Variants in PPM1K observed in about 807,000 individuals in gnomAD.
PPM1K encodes the protein protein phosphatase, Mg2+/Mn2+ dependent 1K.
Under a neutral mutation model 32.6 loss-of-function variants are expected in PPM1K, and 19 were observed. That is an observed-to-expected ratio of 0.58 (90% confidence interval 0.41 to 0.86). PPM1K has a LOEUF of 0.86. Ranked by LOEUF, PPM1K falls within the 40% of genes least tolerant of loss-of-function variation. The probability of loss-of-function intolerance (pLI) is 0.00; values close to 1 mark genes in which losing one functional copy is unlikely to be tolerated. For missense variants in PPM1K, 362 were observed against 461.2 expected, an observed-to-expected ratio of 0.78 and a Z score of 1.97; for synonymous variants, 159 against 165.3, an observed-to-expected ratio of 0.96 and a Z score of 0.29.
intron 3 of PPM1K, among the ~76,000 whole-genome samples, chr4:88,273,964 C>G (rs1215813758): frequency 6.6e-6 from 1 of 152,216 alleles, no homozygotes; most frequent in Non-Finnish European, 1.5e-5. Flanking sequence ...ACTGCCTCCT[C>G]AAGTTCATCC....
chr4:88,263,942 T>G (rs531829938), intron 6 of PPM1K, among the ~76,000 whole-genome samples: 4 of 152,180 alleles, frequency 2.6e-5, no homozygotes, highest in African/African-American at 9.7e-5. Context: ...AAAATAAACA[T>G]AAACTAAATT....
At chr4:88,272,078 C>T (rs1372532679) in intron 3 of PPM1K, among the ~76,000 whole-genome samples, 1 of 152,016 alleles carries the variant, frequency 6.6e-6, no homozygotes, top group Non-Finnish European at 1.5e-5. Context: ...GTATAATGAC[C>T]CCTAGTAATT....
chr4:88,281,366 C>G (rs982245377), intron 1 of PPM1K, among the ~76,000 whole-genome samples: 6 of 151,712 alleles, frequency 4.0e-5, no homozygotes, highest in Admixed American at 2.0e-4. Context: ...CTTTATCCTC[C>G]CCCCAATTTT....
intron 1 of PPM1K, chr4:88,284,098 C>CG (rs1269999569): frequency 2.0e-5 from 3 of 150,936 alleles, no homozygotes; most frequent in African/African-American, 7.3e-5. Context: ...CTCCAGCCTG[C>CG]GGCCACATTC....
chr4:88,271,799 G>A (rs967826278), intron 3 of PPM1K, among the ~76,000 whole-genome samples: 7 of 152,094 alleles, frequency 4.6e-5, no homozygotes, highest in Admixed American at 1.3e-4. Context: ...CAAAGCACCC[G>A]CTATACAAGA....
intron 3 of PPM1K, chr4:88,271,146 G>A (rs1325897229): frequency 1.9e-6 from 1 of 517,836 alleles, no homozygotes; most frequent in African/African-American, 1.9e-5. Flanking sequence ...CGCATATAGT[G>A]TCCACGGGCT....
In PPM1K at chr4:88,268,776, A is replaced by G; in HGVS notation, c.672T>C (p.Ile224=). 5.6e-6 allele frequency: 9 copies of G among 1,614,036 alleles called. No individual in the cohort carries two copies. The highest frequency in any genetic ancestry group is 7.6e-6 in the Non-Finnish European group (9 of 1,179,914). The part of the protein sequence containing the change: ...CRKGKPMKLT[I]DHTPERKDEK... ...CATCTTTTCTTTCTGGAGTATGGTC[A>G]ATGGTCAGCTTCATGGGTTTTCCTT... is the stretch of plus-strand genomic sequence containing the variant. The change falls in exon 4 of 7, where the codon ATT becomes ATC. Residue 224 remains isoleucine, a synonymous_variant. Coordinates refer to ENST00000608933, the MANE Select transcript of PPM1K (RefSeq NM_152542.5).
At chr4:88,274,448 C>T (rs749786002) in intron 3 of PPM1K, among the ~76,000 whole-genome samples, 3 of 152,140 alleles carry the variant, frequency 2.0e-5, no homozygotes, top group Non-Finnish European at 4.4e-5. Context: ...ATGCAGGGTG[C>T]TGCACACTGG....
chr4:88,280,632 G>A (rs910251637), intron 1 of PPM1K, among the ~76,000 whole-genome samples: 2 of 152,100 alleles, frequency 1.3e-5, no homozygotes, highest in African/African-American at 4.8e-5. Flanking sequence ...GCGTGGTTCC[G>A]CATGCCTGTA....
intron 3 of PPM1K, among the ~76,000 whole-genome samples, chr4:88,272,894 A>G (rs1474257550): frequency 2.0e-5 from 3 of 152,230 alleles, no homozygotes; most frequent in African/African-American, 7.2e-5. Context: ...TTTACAGATC[A>G]GTCATCCAGG....
chr4:88,275,748 C>G (rs142457852), intron 3 of PPM1K: 2 of 985,224 alleles, frequency 2.0e-6, no homozygotes, highest in African/African-American at 3.5e-5. Context: ...TAAGAGCATA[C>G]CAAAATTCAG....
chr4:88,276,033 C>CA, intron 3 of PPM1K: 6 of 985,176 alleles, frequency 6.1e-6, no homozygotes, highest in Non-Finnish European at 7.2e-6. Flanking sequence ...GTAAGGTTCT[C>CA]AAAAAAAGCT....
chr4:88,265,090 T>C lies in PPM1K; in HGVS notation c.898A>G (p.Ile300Val), dbSNP rs775616042. The change falls in exon 6 of 7, where the codon ATT becomes GTT. Residue 300 changes from isoleucine to valine, a missense_variant. Ile to Val is a conservative substitution (Grantham distance 29). Transcript: ENST00000608933. ...DSFLVLTTDG[I>V]NFMVNSQEIC... ...TCTTGACTATTCACCATGAAGTTAATTCCATCTGTGGTGAGGACCAGGAAG... is the reference window on the plus strand; with the variant it reads ...TCTTGACTATTCACCATGAAGTTAACTCCATCTGTGGTGAGGACCAGGAAG... The C allele has an allele frequency of 2.4e-5, 38 of 1,614,102 alleles. No homozygotes were observed. Among genetic ancestry groups the C allele is most frequent in the Non-Finnish European group, 3.1e-5 (36 of 1,180,044 alleles).
chr4:88,262,258 AT>A lies in PPM1K; in HGVS notation c.*336del, dbSNP rs376824863. 3.7e-3 allele frequency: 591 copies of A among 161,476 alleles called. 4 individuals are homozygous for A. Among genetic ancestry groups the A allele is most frequent in the African/African-American group, 0.013 (561 of 41,970 alleles). 10.0% of individuals were successfully genotyped at this position (161,476 alleles called of 1,614,324 possible). On this transcript the variant is annotated 3_prime_UTR_variant, in exon 7 of 7. Transcript: ENST00000608933. ...GAACTTCAAAAACGTGTTCAAATGA[AT>A]AAAGAACAAAAATGATCAAAAGAAA...
chr4:88,282,642 T>C (rs998809216), intron 1 of PPM1K, among the ~76,000 whole-genome samples: 3 of 152,204 alleles, frequency 2.0e-5, no homozygotes, highest in African/African-American at 7.2e-5. Context: ...TTTACTGCTT[T>C]ACCTGAGGGG....
Position 88,262,500 on chromosome 4 carries a change from G to T in PPM1K, c.*95C>A. The T allele has an allele frequency of 7.1e-7, 1 of 1,398,650 alleles. No homozygotes were observed. The highest frequency in any genetic ancestry group is 9.8e-7 in the Non-Finnish European group (1 of 1,023,094). The allele number at this position is 1,398,650 out of a possible 1,614,324, so 86.6% of individuals were successfully genotyped here. On this transcript the variant is annotated 3_prime_UTR_variant, in exon 7 of 7. Transcript: ENST00000608933. ...AGTGGTTTACACTGACTTGTGCGCTGATCTAGTGAGTTAGGAGACCTTTTT... is the reference window on the plus strand; with the variant it reads ...AGTGGTTTACACTGACTTGTGCGCTTATCTAGTGAGTTAGGAGACCTTTTT...
chr4:88,271,240 G>A, intron 3 of PPM1K: 1 of 409,922 alleles, frequency 2.4e-6, no homozygotes, highest in South Asian at 1.9e-5. Flanking sequence ...CCCAGGAATT[G>A]TGCTCAAACA....
At chr4:88,267,234 A>ATGATGCTGGCTGATTGGGTGTGGG (rs1387835133) in intron 5 of PPM1K, among the ~76,000 whole-genome samples, 2 of 55,900 alleles carry the variant, frequency 3.6e-5, no homozygotes, top group African/African-American at 1.4e-4. Flanking sequence ...TTGGGTGCAG[A>ATGATGCTGGCTGATTGGGTGTGGG]TGATGCTGGC....
At chr4:88,277,431 T>C (rs554653872) in intron 2 of PPM1K, 188 bp from the exon 3 acceptor site, 1 of 540,246 alleles carries the variant, frequency 1.9e-6, no homozygotes, top group Admixed American at 3.2e-5. Context: ...GATAAGCTTT[T>C]AAGGGCACAA....
Sources: allele counts gnomAD v4.1 joint callset (sites outside exome capture counted in the v4.1 genomes callset), GRCh38; gene constraint gnomAD v4.1.1; transcripts MANE v1.5; gene names NCBI Gene and HGNC (gene_info 2026-07-23, HGNC 2026-07-21).